The following INPP5D variants were observed in gnomAD, a reference collection of about 807,000 sequenced individuals.
INPP5D encodes phosphatidylinositol 3,4,5-trisphosphate 5-phosphatase 1.
In INPP5D, 33 loss-of-function variants were observed where a neutral mutation model predicts 122.9. The ratio of observed to expected loss-of-function variants is 0.27; its 90% CI spans 0.20 to 0.36. The LOEUF is 0.36. Among genes scored for constraint, INPP5D ranks in the 10% least tolerant of loss-of-function variants. The probability of loss-of-function intolerance (pLI) is 1.00; values close to 1 mark genes in which losing one functional copy is unlikely to be tolerated. For synonymous variants in INPP5D, 584 were observed against 576.2 expected, an observed-to-expected ratio of 1.01 and a Z score of -0.19; for missense variants, 1,053 against 1,412.7, an observed-to-expected ratio of 0.75 and a Z score of 4.08.
intron 2 of INPP5D, among the ~76,000 whole-genome samples, chr2:233,089,474 C>T (rs1045683599): frequency 3.9e-5 from 6 of 152,154 alleles, no homozygotes; most frequent in South Asian, 2.1e-4. Flanking sequence ...CAGCCTGGGG[C>T]GCTGGGCTGG....
At chr2:233,202,948 C>T (rs1380406900) in intron 25 of INPP5D, among the ~76,000 whole-genome samples, 1 of 152,176 alleles carries the variant, frequency 6.6e-6, no homozygotes, top group Non-Finnish European at 1.5e-5. Flanking sequence ...GTCCAAGTTC[C>T]CTCTGACTTG....
intron 5 of INPP5D, among the ~76,000 whole-genome samples, chr2:233,136,405 G>A (rs1208874133): frequency 6.6e-6 from 1 of 152,038 alleles, no homozygotes; most frequent in Non-Finnish European, 1.5e-5. Context: ...CTTGAACCCA[G>A]GAGACGGAGG....
At position 233,110,528 on chromosome 2, in the gene INPP5D, TTGTGTG is replaced by T. The variant is rs373105648; in HGVS notation, c.199-11572_199-11567del. Among the ~76,000 whole-genome samples, 5 of 152,148 alleles carry T rather than the reference TTGTGTG, an allele frequency of 3.3e-5. No homozygotes were observed. The East Asian group carries it at 9.7e-4, about 29-fold the overall frequency. ...AGATGCTCTCTAACCTCCCCCTGCT[TTGTGTG>T]TGTGTGCATGCACGTGTGCACACTC... On this transcript the variant is annotated intron_variant, in intron 2 of 26. Coordinates refer to ENST00000445964, the MANE Select transcript of INPP5D (RefSeq NM_001017915.3).
intron 5 of INPP5D, among the ~76,000 whole-genome samples, chr2:233,137,847 A>AT (rs1693511018): frequency 6.3e-5 from 1 of 15,908 alleles, no homozygotes; most frequent in African/African-American, 1.7e-4. Context: ...AAAAAAAAAA[A>AT]AAAAAAATAT....
intron 18 of INPP5D, among the ~76,000 whole-genome samples, chr2:233,178,610 G>A (rs1168821050): frequency 6.6e-6 from 1 of 152,062 alleles, no homozygotes; most frequent in Non-Finnish European, 1.5e-5. Context: ...AGACTCCCGA[G>A]TAGCTGGGAT....
chr2:233,164,199 C>T lies in INPP5D; in HGVS notation c.1438-108C>T. On this transcript the variant is annotated intron_variant, in intron 12 of 26. Coordinates refer to ENST00000445964, the MANE Select transcript of INPP5D (RefSeq NM_001017915.3). This position sits in a 1 kb window ranked among gnomAD's most constrained non-coding sequence, Gnocchi z 4.3. Reference sequence around the variant, plus strand: ...TCCCCCGAAGGGTTGGGATTACAGACAGGATACCCCATACCCAGGGGCTGC... The same window carrying T: ...TCCCCCGAAGGGTTGGGATTACAGATAGGATACCCCATACCCAGGGGCTGC... 1 of 1,449,518 alleles carries T rather than the reference C, an allele frequency of 6.9e-7. No homozygotes were observed. Among genetic ancestry groups the T allele is most frequent in the Non-Finnish European group, 9.1e-7 (1 of 1,100,792 alleles). The allele number at this position is 1,449,518 out of a possible 1,614,324, so 89.8% of individuals were successfully genotyped here. A position where few individuals can be genotyped will look rare whatever the true frequency, so the allele number is the denominator to read the frequency against.
Position 233,082,778 on chromosome 2 carries a change from C to G in INPP5D, c.198+3380C>G, listed in dbSNP as rs1342221077. Among the ~76,000 whole-genome samples, 1 of 152,216 alleles carries G rather than the reference C, an allele frequency of 6.6e-6. No individual in the cohort carries two copies. Among genetic ancestry groups the G allele is most frequent in the Non-Finnish European group, 1.5e-5 (1 of 68,030 alleles). On this transcript the variant is annotated intron_variant, in intron 2 of 26. Transcript: ENST00000445964. The surrounding 1 kb of genome is among the most constrained non-coding windows in gnomAD (Gnocchi z 4.7). ...TGGGAGGGCAGGATGCAAACTGTAA[C>G]TTCATCCAACCCCCTCGTTCTAAAT...
intron 1 of INPP5D, among the ~76,000 whole-genome samples, chr2:233,064,399 T>C (rs998534403): frequency 2.6e-5 from 4 of 152,244 alleles, no homozygotes; most frequent in Admixed American, 2.6e-4. Context: ...TGCTTACCCC[T>C]TCCCAGGGGC....
At position 233,098,936 on chromosome 2, in the gene INPP5D, T is replaced by TTTTTTTTA. The variant is rs140094850; in HGVS notation, c.198+19541_198+19542insTTTTATTT. The stretch of plus-strand genomic sequence containing the variant: ...TGCTAAGCTAGATTTGGAACTTTAT[T>TTTTTTTTA]TTTATTTATTTATTTATTTATTTAT... On this transcript the variant is annotated intron_variant, in intron 2 of 26. Coordinates refer to ENST00000445964, the MANE Select transcript of INPP5D (RefSeq NM_001017915.3). 6.2e-4 allele frequency among the ~76,000 whole-genome samples: 91 copies of TTTTTTTTA among 146,074 alleles called. 1 individual carries two copies. The highest frequency in any genetic ancestry group is 2.2e-3 in the African/African-American group (85 of 39,530).
intron 5 of INPP5D, chr2:233,130,887 A>G (rs1693306237): frequency 4.5e-6 from 3 of 661,558 alleles, no homozygotes; most frequent in East Asian, 3.1e-5. Context: ...ATTGGAGGCC[A>G]GTTGCTCTGG....
intron 13 of INPP5D, among the ~76,000 whole-genome samples, chr2:233,168,594 A>C (rs7581787): frequency 0.33 from 49,556 of 152,230 alleles, 10,272 homozygotes; most frequent in Non-Finnish European, 0.46. Flanking sequence ...TTCTTTACGA[A>C]CACTGAAATT....
At chr2:233,065,938 C>T (rs540917591) in intron 1 of INPP5D, among the ~76,000 whole-genome samples, 9 of 146,662 alleles carry the variant, frequency 6.1e-5, no homozygotes, top group African/African-American at 2.4e-4. Flanking sequence ...AGCCACCGCA[C>T]CTGGCCTTTT....
At chr2:233,060,870 G>T (rs1691054350) in intron 1 of INPP5D, among the ~76,000 whole-genome samples, 1 of 152,224 alleles carries the variant, frequency 6.6e-6, no homozygotes, top group Admixed American at 6.5e-5. Flanking sequence ...GGACCTTGTG[G>T]CTTCCTTGGA....
chr2:233,110,653 G>A (rs909600150), intron 2 of INPP5D, among the ~76,000 whole-genome samples: 6 of 152,182 alleles, frequency 3.9e-5, no homozygotes, highest in Admixed American at 6.5e-5. Context: ...CGGGTGCAGT[G>A]GCTGACGCCT....
rs755820015 is a variant in INPP5D, at chr2:233,189,958, G to A, written c.2446+21G>A. ...CTATGGTAAGGGTCTGTGGGCAGGT[G>A]CCACACCTGCCTGTGAACTGGCGGC... On this transcript the variant is annotated intron_variant, in intron 22 of 26. Transcript: ENST00000445964. This position sits in a 1 kb window ranked among gnomAD's most constrained non-coding sequence, Gnocchi z 5.6. 1 of 1,610,316 alleles carries A rather than the reference G, an allele frequency of 6.2e-7. No individual in the cohort carries two copies.
intron 2 of INPP5D, among the ~76,000 whole-genome samples, chr2:233,096,101 G>T (rs1692131994): frequency 6.6e-6 from 1 of 152,122 alleles, no homozygotes; most frequent in African/African-American, 2.4e-5. Context: ...CAATAAGCAA[G>T]GCTTGCTTGT....
At chr2:233,099,952 AAT>A (rs1464970222) in intron 2 of INPP5D, among the ~76,000 whole-genome samples, 2 of 152,192 alleles carry the variant, frequency 1.3e-5, no homozygotes, top group Non-Finnish European at 2.9e-5. Flanking sequence ...ACAAGAGAAG[AAT>A]GAGCTTGTGC....
rs945634796 is a variant in INPP5D, at chr2:233,189,429, T to C, written c.2359-421T>C. ...GGCCAAGGAGAAATTCTGTGCTCTG[T>C]AGGGGGAGCCTGGCGCAGGGTGGAG... is the stretch of plus-strand genomic sequence containing the variant. On this transcript the variant is annotated intron_variant, in intron 21 of 26. Coordinates refer to ENST00000445964, the MANE Select transcript of INPP5D (RefSeq NM_001017915.3). This position sits in a 1 kb window ranked among gnomAD's most constrained non-coding sequence, Gnocchi z 5.6. 6.6e-6 allele frequency among the ~76,000 whole-genome samples: 1 copy of C among 152,166 alleles called. No individual in the cohort carries two copies. Among genetic ancestry groups the C allele is most frequent in the Non-Finnish European group, 1.5e-5 (1 of 68,018 alleles).
intron 20 of INPP5D, among the ~76,000 whole-genome samples, chr2:233,185,215 G>A (rs1574794833): frequency 6.6e-6 from 1 of 152,122 alleles, no homozygotes; most frequent in Admixed American, 6.5e-5. Flanking sequence ...TGAGGGCCTG[G>A]CTGGGATGCT....
Sources: allele counts gnomAD v4.1 joint callset (sites outside exome capture counted in the v4.1 genomes callset), GRCh38; gene constraint gnomAD v4.1.1; non-coding constraint Gnocchi (gnomAD v3.1); transcripts MANE v1.5; gene names NCBI Gene and HGNC (gene_info 2026-07-23, HGNC 2026-07-21).